XCR1: variants seen among roughly 807,000 people sequenced by gnomAD.
XCR1 encodes chemokine XC receptor 1.
For missense variants in XCR1, 356 were observed against 424.2 expected (o/e 0.84, Z 1.41); for synonymous variants, 187 against 188.5 (o/e 0.99, Z 0.06).
exon 4 of XCR1, among the ~76,000 whole-genome samples, chr3:46,066,902 A>G (rs1246436025): frequency 6.6e-6 from 1 of 152,218 alleles, no homozygotes; most frequent in East Asian, 1.9e-4. Context: ...TACTTACTAC[A>G]TAGATGGTGG....
At chr3:46,058,741 T>C (rs765504121) in intron 4 of XCR1, among the ~76,000 whole-genome samples, 15 of 152,114 alleles carry the variant, frequency 9.9e-5, no homozygotes, top group Non-Finnish European at 1.9e-4. Flanking sequence ...TTTTCCTGTA[T>C]TTTTGTAGAA....
At chr3:46,043,269 C>T (rs933153666) in intron 5 of XCR1, among the ~76,000 whole-genome samples, 6 of 151,834 alleles carry the variant, frequency 4.0e-5, no homozygotes, top group South Asian at 2.1e-4. Context: ...GGAGAAACCC[C>T]GTCTCTACTA....
At chr3:46,030,958 A>G (rs1414250289), upstream of XCR1, among the ~76,000 whole-genome samples, 2 of 152,220 alleles carry the variant, frequency 1.3e-5, no homozygotes, top group African/African-American at 4.8e-5. Flanking sequence ...TGTCAGGTTC[A>G]TTTGTGCGGG....
chr3:46,040,238 A>G (rs563963291), intron 5 of XCR1, among the ~76,000 whole-genome samples: 21 of 152,304 alleles, frequency 1.4e-4, no homozygotes, highest in Admixed American at 8.5e-4. Flanking sequence ...TAAACATTTT[A>G]TATTATAATT....
At chr3:46,040,243 AT>A (rs1697516342) in intron 5 of XCR1, among the ~76,000 whole-genome samples, 1 of 152,146 alleles carries the variant, frequency 6.6e-6, no homozygotes, top group Admixed American at 6.6e-5. Context: ...ATTTTATATT[AT>A]AATTTTGGCT....
intron 5 of XCR1, among the ~76,000 whole-genome samples, chr3:46,042,323 G>A (rs2125897879): frequency 6.6e-6 from 1 of 152,236 alleles, no homozygotes; most frequent in African/African-American, 2.4e-5. Context: ...AAAAAGAGTA[G>A]AGTAGAAATA....
In XCR1 at chr3:46,070,271, A is replaced by G. The variant is rs571438397; in HGVS notation, c.-262-3293T>C. On this transcript the variant is annotated intron_variant, in intron 3 of 5. Coordinates refer to the XCR1 transcript ENST00000683768. ...AGGTATATTCTATAGTTTTGAGTGG[A>G]ATGTTCTGTAAATGTCTATTAGGTC... is the stretch of plus-strand genomic sequence containing the variant. Among the ~76,000 whole-genome samples the G allele has an allele frequency of 5.0e-4, 76 of 152,240 alleles. 1 individual carries two copies. Among genetic ancestry groups the G allele is most frequent in the Middle Eastern group, 3.4e-3 (1 of 294 alleles).
intron 3 of XCR1, among the ~76,000 whole-genome samples, chr3:46,068,045 G>A (rs1698106731): frequency 6.6e-6 from 1 of 152,176 alleles, no homozygotes; most frequent in Admixed American, 6.5e-5. Flanking sequence ...GGATTCACTA[G>A]GATGCTCTTG....
At chr3:46,024,795 G>A (rs1169625362) in intron 1 of XCR1, among the ~76,000 whole-genome samples, 1 of 152,058 alleles carries the variant, frequency 6.6e-6, no homozygotes. Context: ...ATTGTATAAT[G>A]CATCATTTGA....
chr3:46,042,969 A>G (rs4683164), intron 5 of XCR1, among the ~76,000 whole-genome samples: 33,729 of 152,108 alleles, frequency 0.22, 5,146 homozygotes, highest in African/African-American at 0.42. Context: ...AGAGCTATAT[A>G]CTTGGATTAA....
chr3:46,058,861 G>A (rs528383081), intron 4 of XCR1, among the ~76,000 whole-genome samples: 1 of 152,174 alleles, frequency 6.6e-6, no homozygotes, highest in Non-Finnish European at 1.5e-5. Context: ...CATGATGACC[G>A]GCCATAGGGT....
Position 46,020,970 on chromosome 3 carries a change from G to C in XCR1, c.978C>G (p.Ala326=). 6.2e-7 allele frequency: 1 copy of C among 1,612,662 alleles called. No individual in the cohort carries two copies. Among genetic ancestry groups the C allele is most frequent in the Non-Finnish European group, 8.5e-7 (1 of 1,179,320 alleles). The part of the protein sequence containing the change: ...ASIPHSPGAF[A]YEGASFY ...CTCAGTAGAAGGAGGCGCCCTCATA[G>C]GCGAAGGCACCAGGGGAGTGGGGGA... The change falls in exon 2 of 2, where the codon GCC becomes GCG. Residue 326 remains alanine (A), a synonymous_variant. Transcript: ENST00000309285.
In XCR1 at chr3:46,057,949, T is replaced by TCC. The variant is rs1559490424; in HGVS notation, c.-182-3880_-182-3879insGG. ...CTATCTATCTACGCATCCATCTATCTATCTATCTGCCATCTATGTATCTAT... is the reference window on the plus strand; with the variant it reads ...CTATCTATCTACGCATCCATCTATCTCCATCTATCTGCCATCTATGTATCTAT... On this transcript the variant is annotated intron_variant, in intron 4 of 5. Coordinates refer to the XCR1 transcript ENST00000683768. Among the ~76,000 whole-genome samples, 117 of 147,038 alleles carry TCC rather than the reference T, an allele frequency of 8.0e-4. 2 individuals are homozygous for TCC. The highest frequency in any genetic ancestry group is 7.4e-3 in the Admixed American group (107 of 14,522).
At chr3:46,064,517 C>G (rs940601589) in intron 4 of XCR1, among the ~76,000 whole-genome samples, 1 of 152,190 alleles carries the variant, frequency 6.6e-6, no homozygotes, top group African/African-American at 2.4e-5. Flanking sequence ...CTTGAAATCC[C>G]TCATTGACTT....
Position 46,021,919 on chromosome 3 carries a change from G to A in XCR1, c.29C>T (p.Thr10Ile). Reference protein sequence around the residue: MESSGNPESTTFFYYDLQSQ... With the variant: MESSGNPESITFFYYDLQSQ... ...CTGAAGGTCATAGTAAAAAAAGGTGGTGCTCTCTGGGTTGCCTGAGGACTC... is the reference window on the plus strand; with the variant it reads ...CTGAAGGTCATAGTAAAAAAAGGTGATGCTCTCTGGGTTGCCTGAGGACTC... Residue 10 changes from threonine to isoleucine, a missense_variant, in exon 2 of 2, where the codon ACC (threonine) becomes ATC (isoleucine). By Grantham distance (89) the Thr-to-Ile change is moderately conservative. Transcript: ENST00000309285. The surrounding 1 kb of genome is among the most constrained non-coding windows in gnomAD (Gnocchi z 4.7). The A allele has an allele frequency of 6.2e-7, 1 of 1,613,580 alleles. No individual in the cohort carries two copies.
chr3:46,058,803 G>A (rs950728785), intron 4 of XCR1, among the ~76,000 whole-genome samples: 1 of 152,128 alleles, frequency 6.6e-6, no homozygotes, highest in African/African-American at 2.4e-5. Flanking sequence ...GAGGTCAAGG[G>A]ATCCACCCAC....
At chr3:46,076,657 C>T (rs1202297626) in intron 2 of XCR1, among the ~76,000 whole-genome samples, 1 of 150,956 alleles carries the variant, frequency 6.6e-6, no homozygotes, top group Non-Finnish European at 1.5e-5. Flanking sequence ...CTGTTTAGTT[C>T]ACATATTTCC....
chr3:46,060,537 G>C (rs1421600297), intron 4 of XCR1, among the ~76,000 whole-genome samples: 3 of 152,158 alleles, frequency 2.0e-5, no homozygotes, highest in African/African-American at 7.2e-5. Context: ...AAGTGGCAGG[G>C]TGGCAGTTTT....
At chr3:46,024,045 GA>G in intron 1 of XCR1, 1 of 1,173,782 alleles carries the variant, frequency 8.5e-7, no homozygotes. Flanking sequence ...CAAATGCCGG[GA>G]AAGCCAAGGA....
Sources: allele counts gnomAD v4.1 joint callset (sites outside exome capture counted in the v4.1 genomes callset), GRCh38; gene constraint gnomAD v4.1.1; non-coding constraint Gnocchi (gnomAD v3.1); transcripts MANE v1.5; gene names NCBI Gene and HGNC (gene_info 2026-07-23, HGNC 2026-07-21).